The following ADRA1A variants were observed in gnomAD, a reference collection of about 807,000 sequenced individuals.
ADRA1A encodes the protein alpha-1A adrenergic receptor.
In ADRA1A, 31 loss-of-function variants were observed where a neutral mutation model predicts 29.6. The ratio of observed to expected loss-of-function variants is 1.05; its 90% confidence interval spans 0.79 to 1.41. The LOEUF is 1.41. ADRA1A is among the 40% of genes most tolerant of loss of function. The pLI is 0.00. For missense variants in ADRA1A, 619 were observed against 601.1 expected (o/e 1.03, Z -0.31); for synonymous variants, 311 against 254.3 (o/e 1.22, Z -2.12).
At chr8:26,780,370 C>A (rs1806878157) in intron 2 of ADRA1A, among the ~76,000 whole-genome samples, 1 of 152,124 alleles carries the variant, frequency 6.6e-6, no homozygotes, top group Admixed American at 6.5e-5. Flanking sequence ...CCGCAGTAGA[C>A]TTTTCACTCT....
intron 2 of ADRA1A, among the ~76,000 whole-genome samples, chr8:26,858,441 A>G (rs573747928): frequency 1.3e-5 from 2 of 152,330 alleles, no homozygotes; most frequent in Admixed American, 1.3e-4. Context: ...TTCTGGTAAG[A>G]TGAACATTTA....
At chr8:26,862,964 G>A (rs886482054) in intron 2 of ADRA1A, among the ~76,000 whole-genome samples, 11 of 152,172 alleles carry the variant, frequency 7.2e-5, no homozygotes, top group African/African-American at 1.2e-4. Context: ...CTGAGTTGTC[G>A]AGGGGACTAA....
At chr8:26,773,759 C>T (rs1764277907) in intron 2 of ADRA1A, among the ~76,000 whole-genome samples, 1 of 152,144 alleles carries the variant, frequency 6.6e-6, no homozygotes, top group African/African-American at 2.4e-5. Flanking sequence ...TCAACATTTC[C>T]TTTTAGTCAC....
chr8:26,836,294 G>A (rs1165127194), intron 2 of ADRA1A: 1 of 169,248 alleles, frequency 5.9e-6, no homozygotes, highest in East Asian at 1.7e-4. Flanking sequence ...CCTCAGCAAA[G>A]ACATCAACTT....
intron 2 of ADRA1A, among the ~76,000 whole-genome samples, chr8:26,772,448 G>A (rs997260148): frequency 2.0e-5 from 3 of 151,940 alleles, no homozygotes; most frequent in South Asian, 2.1e-4. Context: ...CCTTCTCCGC[G>A]GGCTTTTAGT....
chr8:26,806,133 C>A lies in ADRA1A; in HGVS notation c.884-35467G>T, dbSNP rs1364766631. 1.3e-5 allele frequency among the ~76,000 whole-genome samples: 2 copies of A among 151,984 alleles called. No homozygotes were observed. Among genetic ancestry groups the A allele is most frequent in the East Asian group, 3.9e-4 (2 of 5,164 alleles). Reference sequence around the variant, plus strand: ...CCCGAATGTTCCCATTCTGTCCTGCCTCTCTTTTCCCCTTACTCCAAGAAT... The same window carrying A: ...CCCGAATGTTCCCATTCTGTCCTGCATCTCTTTTCCCCTTACTCCAAGAAT... On this transcript the variant is annotated intron_variant, in intron 2 of 2. Transcript: ENST00000380573. The surrounding 1 kb of genome is among the most constrained non-coding windows in gnomAD (Gnocchi z 4.6).
intron 2 of ADRA1A, among the ~76,000 whole-genome samples, chr8:26,844,413 A>C (rs560897103): frequency 6.6e-6 from 1 of 152,184 alleles, no homozygotes; most frequent in South Asian, 2.1e-4. Flanking sequence ...AGTTTCTATT[A>C]AACTTTTAGA....
At position 26,864,161 on chromosome 8, in the gene ADRA1A, G is replaced by T. The variant is rs765438943; in HGVS notation, c.809C>A (p.Ala270Glu). ...GACCACGATGCCCAGCGTTTTGGCC[G>T]CTTTCTTCTCCCGGGAGAACTTGAG... ...RLLKFSREKK[A>E]AKTLGIVVGC... is the part of the protein sequence containing the mutation. Residue 270 changes from alanine (A) to glutamate (E), a missense_variant, in exon 2 of 3, where the codon GCG (alanine) becomes GAG (glutamate). Ala to Glu is a moderately radical substitution (Grantham distance 107, BLOSUM62 -1). Transcript: ENST00000380573. This position sits in a 1 kb window ranked among gnomAD's most constrained non-coding sequence, Gnocchi z 8.1. 2.5e-6 allele frequency: 4 copies of T among 1,614,122 alleles called. No individual in the cohort carries two copies. The highest frequency in any genetic ancestry group is 3.4e-6 in the Non-Finnish European group (4 of 1,180,030).
At chr8:26,856,850 G>A (rs1813085567) in intron 2 of ADRA1A, among the ~76,000 whole-genome samples, 1 of 152,220 alleles carries the variant, frequency 6.6e-6, no homozygotes, top group Admixed American at 6.5e-5. Flanking sequence ...GGGAGGCAAA[G>A]ATCCCAGTTG....
intron 2 of ADRA1A, among the ~76,000 whole-genome samples, chr8:26,783,567 G>A (rs534010040): frequency 2.0e-5 from 3 of 152,228 alleles, no homozygotes; most frequent in African/African-American, 7.2e-5. Context: ...TGGTGACAAT[G>A]ATTCAGAAAG....
chr8:26,770,694 T>C (rs1563238720), intron 2 of ADRA1A, 28 bp from the exon 3 acceptor site: 6 of 1,560,576 alleles, frequency 3.8e-6, no homozygotes, highest in Admixed American at 1.9e-5. Flanking sequence ...GATTTATACA[T>C]ATTATTTGAA....
intron 2 of ADRA1A, among the ~76,000 whole-genome samples, chr8:26,797,763 A>C (rs1808281407): frequency 6.6e-6 from 1 of 152,150 alleles, no homozygotes; most frequent in African/African-American, 2.4e-5. Context: ...GGGAATTCCT[A>C]CATTTGAGTG....
chr8:26,842,593 C>A (rs1811900149), intron 2 of ADRA1A, among the ~76,000 whole-genome samples: 1 of 152,112 alleles, frequency 6.6e-6, no homozygotes, highest in African/African-American at 2.4e-5. Flanking sequence ...AAACAGCCAG[C>A]CTGAATCTCT....
intron 2 of ADRA1A, among the ~76,000 whole-genome samples, chr8:26,812,191 G>A (rs2130544457): frequency 6.6e-6 from 1 of 152,272 alleles, no homozygotes; most frequent in East Asian, 1.9e-4. Flanking sequence ...CAAAAACCAT[G>A]TTTTTTCCTT....
chr8:26,786,749 G>GCA (rs1414035698), intron 2 of ADRA1A, among the ~76,000 whole-genome samples: 1 of 151,836 alleles, frequency 6.6e-6, no homozygotes, highest in East Asian at 1.9e-4. Context: ...TGGGTTGGGG[G>GCA]GGGGGGTCTC....
At chr8:26,817,708 G>GATTGA (rs1809864469) in intron 2 of ADRA1A, among the ~76,000 whole-genome samples, 1 of 152,178 alleles carries the variant, frequency 6.6e-6, no homozygotes, top group East Asian at 1.9e-4. Context: ...AGCCTGGGAG[G>GATTGA]TTGAGGCTGC....
chr8:26,766,296 G>A (rs116291545), downstream of ADRA1A: 868 of 651,846 alleles, frequency 1.3e-3, 6 homozygotes, highest in African/African-American at 0.013. Context: ...TACAACACCC[G>A]ATATGTGTCC....
chr8:26,832,284 C>T (rs1022394316), intron 2 of ADRA1A, among the ~76,000 whole-genome samples: 4 of 152,276 alleles, frequency 2.6e-5, no homozygotes, highest in East Asian at 1.9e-4. Context: ...CTGGCAACAT[C>T]GTTAAAATTG....
chr8:26,837,889 C>T (rs1811504828), intron 2 of ADRA1A, among the ~76,000 whole-genome samples: 2 of 152,188 alleles, frequency 1.3e-5, no homozygotes, highest in South Asian at 4.1e-4. Context: ...GCCTTTGATT[C>T]CTATCTCAAT....
Sources: gnomAD v4.1 joint callset for allele counts (sites outside exome capture counted in the v4.1 genomes callset) on GRCh38, gnomAD v4.1.1 for gene constraint, Gnocchi (gnomAD v3.1) non-coding constraint, MANE v1.5 for transcripts, NCBI Gene and HGNC (gene_info 2026-07-23, HGNC 2026-07-21) for gene names.